The following CAMTA1 variants were observed in gnomAD, a reference collection of about 807,000 sequenced individuals.
The protein encoded by CAMTA1 is calmodulin binding transcription activator 1, also known as calmodulin-binding transcription activator 1.
CAMTA1 carries 27 observed loss-of-function variants against 170.9 expected under a neutral mutation model. That is an observed-to-expected ratio of 0.16 (90% CI 0.12 to 0.22). The LOEUF (loss-of-function observed/expected upper bound fraction) is 0.22. CAMTA1 is among the 10% of genes least tolerant of loss of function. The pLI, the probability that CAMTA1 is intolerant of heterozygous loss-of-function variation, is 1.00. For synonymous variants in CAMTA1, 833 were observed against 891.5 expected, an observed-to-expected ratio of 0.93 and a Z score of 1.17; for missense variants, 1,619 against 2,217.2, an observed-to-expected ratio of 0.73 and a Z score of 5.42.
At chr1:6,997,387 A>C (rs1311653139) in intron 3 of CAMTA1, among the ~76,000 whole-genome samples, 2 of 152,010 alleles carry the variant, frequency 1.3e-5, no homozygotes, top group Non-Finnish European at 2.9e-5. Context: ...TTTGAGGCCA[A>C]ATTCCGAGGT....
At chr1:7,596,134 G>C (rs1264541069) in intron 6 of CAMTA1, among the ~76,000 whole-genome samples, 2 of 152,250 alleles carry the variant, frequency 1.3e-5, no homozygotes, top group Non-Finnish European at 2.9e-5. Flanking sequence ...AGGCTTGGCT[G>C]CCTGCAGATG....
At chr1:7,131,007 G>A (rs1345284832) in intron 4 of CAMTA1, among the ~76,000 whole-genome samples, 17 of 151,180 alleles carry the variant, frequency 1.1e-4, no homozygotes, top group Admixed American at 1.1e-3. Context: ...AGGCTGGAGT[G>A]CAGTGGCACG....
chr1:7,326,351 A>G (rs541233493), intron 5 of CAMTA1, among the ~76,000 whole-genome samples: 1 of 152,382 alleles, frequency 6.6e-6, no homozygotes, highest in Non-Finnish European at 1.5e-5. Flanking sequence ...GTACGTCATC[A>G]GCAGGGAAGT....
chr1:7,508,337 C>T (rs559775530), intron 6 of CAMTA1, among the ~76,000 whole-genome samples: 1 of 152,342 alleles, frequency 6.6e-6, no homozygotes, highest in African/African-American at 2.4e-5. Context: ...GCTTCAGAGG[C>T]CCCTGGAAGC....
At chr1:6,917,954 C>A (rs1225923356) in intron 3 of CAMTA1, among the ~76,000 whole-genome samples, 1 of 152,054 alleles carries the variant, frequency 6.6e-6, no homozygotes, top group Admixed American at 6.6e-5. Context: ...GGTAGCTGGA[C>A]CAACATGACC....
chr1:7,132,957 CATT>C (rs1364832274), intron 4 of CAMTA1, among the ~76,000 whole-genome samples: 1 of 152,044 alleles, frequency 6.6e-6, no homozygotes. Flanking sequence ...GCCTATGTTA[CATT>C]ATTATTTTTA....
chr1:7,306,500 C>G lies in CAMTA1; in HGVS notation c.438+56874C>G, dbSNP rs116543405. On this transcript the variant is annotated intron_variant, in intron 5 of 22. Coordinates refer to ENST00000303635, the MANE Select transcript of CAMTA1 (RefSeq NM_015215.4). ...GTGTTCTATTCATTTTTGTGCCTAT[C>G]ACATCACCAATACCACATTGTTTTC... Among the ~76,000 whole-genome samples, 256 of 152,070 alleles carry G rather than the reference C, an allele frequency of 1.7e-3. 4 individuals are homozygous for G. Among genetic ancestry groups the G allele is most frequent in the African/African-American group, 4.0e-3 (166 of 41,534 alleles).
At chr1:6,975,996 T>G (rs979462625) in intron 3 of CAMTA1, among the ~76,000 whole-genome samples, 7 of 152,214 alleles carry the variant, frequency 4.6e-5, no homozygotes, top group Non-Finnish European at 1.0e-4. Context: ...TCCTTTCCGC[T>G]GCTGAGTGAC....
At chr1:7,177,296 G>T (rs1222001965) in intron 4 of CAMTA1, among the ~76,000 whole-genome samples, 2 of 147,680 alleles carry the variant, frequency 1.4e-5, no homozygotes, top group South Asian at 4.3e-4. Context: ...CCCACATGCT[G>T]AAGCCTCTCC....
intron 5 of CAMTA1, among the ~76,000 whole-genome samples, chr1:7,257,658 A>G (rs1172147084): frequency 6.6e-6 from 1 of 152,198 alleles, no homozygotes; most frequent in Admixed American, 6.5e-5. Context: ...GTGTGCATAC[A>G]CACACAAGGG....
In CAMTA1 at chr1:7,633,810, CTG is replaced by C. The variant is rs2095689029; in HGVS notation, c.511-6589_511-6588del. On this transcript the variant is annotated intron_variant, in intron 6 of 22. Transcript: ENST00000303635. The surrounding 1 kb of genome is among the most constrained non-coding windows in gnomAD (Gnocchi z 4.1). Reference sequence around the variant, plus strand: ...AACCCGAGTAGTAATTGAGCGGAAACTGAGAGATTAGTGCTGCAAAGACAGCG... The same window carrying C: ...AACCCGAGTAGTAATTGAGCGGAAACAGAGATTAGTGCTGCAAAGACAGCG... Among the ~76,000 whole-genome samples, 1 of 152,250 alleles carries C rather than the reference CTG, an allele frequency of 6.6e-6. No individual in the cohort carries two copies. The highest frequency in any genetic ancestry group is 2.4e-5 in the African/African-American group (1 of 41,466).
chr1:7,202,914 T>C (rs1027370772), intron 4 of CAMTA1, among the ~76,000 whole-genome samples: 1 of 152,222 alleles, frequency 6.6e-6, no homozygotes, highest in African/African-American at 2.4e-5. Flanking sequence ...CAGTACAATG[T>C]TGAATAGGAG....
chr1:7,365,421 T>A (rs959195976), intron 5 of CAMTA1, among the ~76,000 whole-genome samples: 29 of 152,260 alleles, frequency 1.9e-4, no homozygotes, highest in African/African-American at 7.0e-4. Context: ...TCCTCTCTCC[T>A]GTTCTGATTA....
chr1:7,355,714 C>G (rs1474605195), intron 5 of CAMTA1, among the ~76,000 whole-genome samples: 1 of 152,206 alleles, frequency 6.6e-6, no homozygotes, highest in Non-Finnish European at 1.5e-5. Context: ...GGAGTAAAAT[C>G]TAAACCCCTG....
intron 3 of CAMTA1, among the ~76,000 whole-genome samples, chr1:6,979,648 C>G (rs1178623832): frequency 6.6e-6 from 1 of 152,234 alleles, no homozygotes; most frequent in Non-Finnish European, 1.5e-5. Flanking sequence ...CCATTACCAT[C>G]TCCCTAAAAC....
intron 7 of CAMTA1, among the ~76,000 whole-genome samples, chr1:7,646,243 C>T (rs61774184): frequency 0.4 from 55,901 of 138,402 alleles, 11,735 homozygotes; most frequent in Middle Eastern, 0.57. Flanking sequence ...GGGTGGAGGC[C>T]CTGCCCTGGT....
chr1:7,042,852 T>A (rs992847320), intron 3 of CAMTA1, among the ~76,000 whole-genome samples: 3 of 152,226 alleles, frequency 2.0e-5, no homozygotes, highest in African/African-American at 7.2e-5. Flanking sequence ...TGCTTGAAAT[T>A]AAGCTATTTA....
chr1:7,655,469 CCACCTATACAAACACA>C lies in CAMTA1; in HGVS notation c.665-6245_665-6230del, dbSNP rs1449384196. ...CACACATACCTATACACAAACACAC[CCACCTATACAAACACA>C]CACCTATACAACACACATACACACA... On this transcript the variant is annotated intron_variant, in intron 7 of 22. Coordinates refer to ENST00000303635, the MANE Select transcript of CAMTA1 (RefSeq NM_015215.4). Among the ~76,000 whole-genome samples the C allele has an allele frequency of 1.4e-4, 16 of 117,806 alleles. No homozygotes were observed. The East Asian group carries it at 2.5e-3, about 19-fold the overall frequency. 77.3% of individuals were successfully genotyped at this position (117,806 alleles called of 152,430 possible).
At chr1:7,461,100 C>G (rs1331839091) in intron 5 of CAMTA1, among the ~76,000 whole-genome samples, 1 of 152,220 alleles carries the variant, frequency 6.6e-6, no homozygotes, top group Admixed American at 6.5e-5. Flanking sequence ...CGGGTATTAT[C>G]CTTGCATTAG....
Sources: gnomAD v4.1 joint callset for allele counts (sites outside exome capture counted in the v4.1 genomes callset) on GRCh38, gnomAD v4.1.1 for gene constraint, Gnocchi (gnomAD v3.1) non-coding constraint, MANE v1.5 for transcripts, NCBI Gene and HGNC (gene_info 2026-07-23, HGNC 2026-07-21) for gene names.